The following PBX1 variants were observed in gnomAD, a reference collection of about 807,000 sequenced individuals.
The protein encoded by PBX1 is PBX homeobox 1.
Under a neutral mutation model 53.4 loss-of-function variants are expected in PBX1, and 6 were observed. The observed-to-expected ratio is 0.11, with a 90% CI of 0.06 to 0.22. The LOEUF (loss-of-function observed/expected upper bound fraction) is 0.22. PBX1 is among the 10% of genes least tolerant of loss of function. The probability of loss-of-function intolerance (pLI) is 1.00; values close to 1 mark genes in which losing one functional copy is unlikely to be tolerated. For missense variants in PBX1, 251 were observed against 551.4 expected (o/e 0.46, Z 5.46); for synonymous variants, 204 against 212.3 (o/e 0.96, Z 0.34).
At chr1:164,786,725 G>A (rs530669423) in intron 2 of PBX1, among the ~76,000 whole-genome samples, 64 of 143,146 alleles carry the variant, frequency 4.5e-4, no homozygotes, top group East Asian at 1.7e-3. Context: ...GTGTGTGCGC[G>A]CGCACACACA....
intron 2 of PBX1, chr1:164,576,947 G>C (rs1654288019): frequency 6.6e-6 from 1 of 152,244 alleles, no homozygotes; most frequent in Non-Finnish European, 1.5e-5. Flanking sequence ...TGCAGACCTC[G>C]GTGGTGGTGG....
chr1:164,854,830 C>T (rs73029101), downstream of PBX1, among the ~76,000 whole-genome samples: 887 of 152,136 alleles, frequency 5.8e-3, 12 homozygotes, highest in African/African-American at 0.02. Flanking sequence ...TAGATCAAAA[C>T]GGTGCATTCA....
chr1:164,750,588 G>T (rs1477458406), intron 2 of PBX1, among the ~76,000 whole-genome samples: 1 of 152,190 alleles, frequency 6.6e-6, no homozygotes, highest in Non-Finnish European at 1.5e-5. Flanking sequence ...CCCTTTGGCT[G>T]GTCCAGCTGC....
chr1:164,649,713 A>AC (rs1005702467), intron 2 of PBX1, among the ~76,000 whole-genome samples: 2 of 151,940 alleles, frequency 1.3e-5, no homozygotes, highest in African/African-American at 4.8e-5. Context: ...ATTGCATTCC[A>AC]CCCCCTGCCA....
At chr1:164,711,409 G>A (rs190805339) in intron 2 of PBX1, among the ~76,000 whole-genome samples, 34 of 152,208 alleles carry the variant, frequency 2.2e-4, no homozygotes, top group Admixed American at 2.1e-3. Flanking sequence ...GACTACAGGC[G>A]CCCGCCACCA....
At chr1:164,630,784 C>A (rs1194550360) in intron 2 of PBX1, among the ~76,000 whole-genome samples, 1 of 152,224 alleles carries the variant, frequency 6.6e-6, no homozygotes, top group African/African-American at 2.4e-5. Flanking sequence ...TTGGCAATTA[C>A]TGTCTTGTGC....
chr1:164,776,978 A>AGAGAGAGAGGG (rs1553244687), intron 2 of PBX1, among the ~76,000 whole-genome samples: 1 of 46,444 alleles, frequency 2.2e-5, no homozygotes, highest in Non-Finnish European at 3.5e-5. Context: ...AGAGAGAGAG[A>AGAGAGAGAGGG]GGAGGTGTGG....
chr1:164,704,056 C>T (rs1663284291), intron 2 of PBX1, among the ~76,000 whole-genome samples: 2 of 152,102 alleles, frequency 1.3e-5, no homozygotes, highest in African/African-American at 4.8e-5. Context: ...GCAATAGATG[C>T]TTGTCAGAAA....
chr1:164,697,171 A>G (rs1413734386), intron 2 of PBX1, among the ~76,000 whole-genome samples: 2 of 152,204 alleles, frequency 1.3e-5, no homozygotes, highest in African/African-American at 2.4e-5. Flanking sequence ...CAAAATCTAT[A>G]AAGTATGTAT....
At chr1:164,786,718 T>TGTGCGC (rs1553246253) in intron 2 of PBX1, among the ~76,000 whole-genome samples, 252 of 100,072 alleles carry the variant, frequency 2.5e-3, no homozygotes, top group African/African-American at 0.011. Context: ...TGTGTGTGTG[T>TGTGCGC]GTGCGCGCGC....
At chr1:164,689,293 G>T (rs1207971659) in intron 2 of PBX1, among the ~76,000 whole-genome samples, 1 of 150,510 alleles carries the variant, frequency 6.6e-6, no homozygotes, top group Non-Finnish European at 1.5e-5. Flanking sequence ...GAAGTGGAAG[G>T]TTTTTTTTTC....
intron 2 of PBX1, among the ~76,000 whole-genome samples, chr1:164,865,422 T>G (rs1278410303): frequency 6.6e-6 from 1 of 152,116 alleles, no homozygotes; most frequent in African/African-American, 2.4e-5. Context: ...TTTAATTAAT[T>G]TGTCTGCATG....
At chr1:164,683,020 A>C (rs1330298213) in intron 2 of PBX1, 1 of 152,246 alleles carries the variant, frequency 6.6e-6, no homozygotes, top group Non-Finnish European at 1.5e-5. Flanking sequence ...GTCTTGACGC[A>C]GAGGATGGAG....
intron 5 of PBX1, among the ~76,000 whole-genome samples, chr1:164,809,461 A>G (rs898894363): frequency 4.6e-5 from 7 of 152,166 alleles, no homozygotes; most frequent in Non-Finnish European, 7.4e-5. Context: ...AACAAGTCCA[A>G]TGGAAGACAG....
At chr1:164,666,146 C>A (rs941477991) in intron 2 of PBX1, among the ~76,000 whole-genome samples, 1 of 152,176 alleles carries the variant, frequency 6.6e-6, no homozygotes, top group East Asian at 1.9e-4. Flanking sequence ...GAATCCCTCA[C>A]CTCCCAGAGG....
At chr1:164,567,124 TCTC>T (rs761955789) in intron 2 of PBX1, among the ~76,000 whole-genome samples, 1 of 152,214 alleles carries the variant, frequency 6.6e-6, no homozygotes, top group African/African-American at 2.4e-5. Context: ...TTATGGGACT[TCTC>T]CTCTCCTCTC....
intron 2 of PBX1, among the ~76,000 whole-genome samples, chr1:164,612,551 T>C (rs994995307): frequency 1.3e-5 from 2 of 152,210 alleles, no homozygotes; most frequent in African/African-American, 4.8e-5. Flanking sequence ...TTCCTGCCTC[T>C]TCCTCCTTCC....
chr1:164,722,240 C>G (rs1229507551), intron 2 of PBX1, among the ~76,000 whole-genome samples: 1 of 152,064 alleles, frequency 6.6e-6, no homozygotes, highest in Non-Finnish European at 1.5e-5. Flanking sequence ...GGCACCTTTC[C>G]CATTTGGATC....
chr1:164,809,264 C>A (rs2102339763), intron 5 of PBX1, among the ~76,000 whole-genome samples: 1 of 152,258 alleles, frequency 6.6e-6, no homozygotes, highest in Admixed American at 6.5e-5. Flanking sequence ...AAGTTAAAAT[C>A]CTGATCTGTT....
Sources: gnomAD v4.1 joint callset for allele counts (sites outside exome capture counted in the v4.1 genomes callset) on GRCh38, gnomAD v4.1.1 for gene constraint, MANE v1.5 for transcripts, NCBI Gene and HGNC (gene_info 2026-07-23, HGNC 2026-07-21) for gene names.